The following ZNF804B variants were observed in gnomAD, a reference collection of about 807,000 sequenced individuals.
ZNF804B encodes zinc finger 804B.
In ZNF804B, 80 loss-of-function variants were observed where a neutral mutation model predicts 101.4. The observed-to-expected ratio is 0.79, with a 90% CI of 0.66 to 0.95. The LOEUF (loss-of-function observed/expected upper bound fraction) is 0.95, where lower values mean the gene tolerates loss of function less well. Ranked by LOEUF, ZNF804B falls within the 40% of genes least tolerant of loss-of-function variation. ZNF804B has a pLI of 0.00. For missense variants in ZNF804B, 1,673 were observed against 1,561.9 expected (o/e 1.07, Z -1.20); for synonymous variants, 622 against 558.8 (o/e 1.11, Z -1.59).
chr7:89,122,747 T>G (rs1790424974), intron 1 of ZNF804B, among the ~76,000 whole-genome samples: 1 of 152,178 alleles, frequency 6.6e-6, no homozygotes, highest in Non-Finnish European at 1.5e-5. Flanking sequence ...TTCTCCATCT[T>G]TTCTCTCTTT....
intron 1 of ZNF804B, among the ~76,000 whole-genome samples, chr7:88,940,438 A>G (rs1029694242): frequency 6.6e-6 from 1 of 152,016 alleles, no homozygotes; most frequent in Non-Finnish European, 1.5e-5. Context: ...TAAATAATAC[A>G]TACATAAGCT....
chr7:88,787,849 C>A (rs1249251031), intron 1 of ZNF804B, among the ~76,000 whole-genome samples: 1 of 152,010 alleles, frequency 6.6e-6, no homozygotes, highest in East Asian at 1.9e-4. Flanking sequence ...CATGACATAA[C>A]TGAGAAGAGA....
chr7:88,898,983 A>G (rs1255313330), intron 1 of ZNF804B, among the ~76,000 whole-genome samples: 1 of 152,056 alleles, frequency 6.6e-6, no homozygotes, highest in Non-Finnish European at 1.5e-5. Flanking sequence ...ATCAGAGCCA[A>G]CCCTTAAGTT....
intron 1 of ZNF804B, among the ~76,000 whole-genome samples, chr7:88,950,109 C>A (rs1183613755): frequency 6.6e-6 from 1 of 151,794 alleles, no homozygotes. Context: ...CTGATAGATA[C>A]CTTAGGATTT....
chr7:88,817,376 A>T (rs1327605918), intron 1 of ZNF804B, among the ~76,000 whole-genome samples: 1 of 152,162 alleles, frequency 6.6e-6, no homozygotes, highest in Non-Finnish European at 1.5e-5. Context: ...AACTTAAAGT[A>T]TAATAAAAAA....
At chr7:88,821,553 G>A (rs1169930420) in intron 1 of ZNF804B, among the ~76,000 whole-genome samples, 2 of 152,048 alleles carry the variant, frequency 1.3e-5, no homozygotes, top group Non-Finnish European at 1.5e-5. Flanking sequence ...AATATCCTTT[G>A]GCCACGTGCA....
At chr7:88,983,454 T>G (rs1793719276) in intron 1 of ZNF804B, among the ~76,000 whole-genome samples, 1 of 152,178 alleles carries the variant, frequency 6.6e-6, no homozygotes, top group Non-Finnish European at 1.5e-5. Context: ...GTGATGCTGA[T>G]GCTACTAGTT....
chr7:88,818,462 A>T (rs1790920409), intron 1 of ZNF804B, among the ~76,000 whole-genome samples: 1 of 152,166 alleles, frequency 6.6e-6, no homozygotes. Context: ...TACCGTTATG[A>T]TGCACATGAA....
At chr7:88,864,654 A>G (rs997290557) in intron 1 of ZNF804B, among the ~76,000 whole-genome samples, 1 of 152,170 alleles carries the variant, frequency 6.6e-6, no homozygotes, top group African/African-American at 2.4e-5. Context: ...CCCTGGGTCA[A>G]CTGGCCCCAC....
chr7:89,178,415 T>C (rs1026177105), intron 1 of ZNF804B, among the ~76,000 whole-genome samples: 1 of 152,078 alleles, frequency 6.6e-6, no homozygotes, highest in Non-Finnish European at 1.5e-5. Context: ...TTATTTTTTG[T>C]GTATCTGTTG....
chr7:88,850,524 C>T (rs967510424), intron 1 of ZNF804B, among the ~76,000 whole-genome samples: 2 of 152,072 alleles, frequency 1.3e-5, no homozygotes, highest in Admixed American at 6.6e-5. Context: ...AGTCCTATTT[C>T]CATCAATCAG....
chr7:89,225,319 C>T (rs2115723733), intron 2 of ZNF804B, among the ~76,000 whole-genome samples: 1 of 152,110 alleles, frequency 6.6e-6, no homozygotes, highest in African/African-American at 2.4e-5. Context: ...TCAGGGCTTT[C>T]TGTGTTTTGT....
chr7:88,880,498 A>G (rs1457347484), intron 1 of ZNF804B, among the ~76,000 whole-genome samples: 1 of 152,212 alleles, frequency 6.6e-6, no homozygotes, highest in Non-Finnish European at 1.5e-5. Flanking sequence ...ACTGATACAT[A>G]ACAATGTCTT....
chr7:89,281,058 C>A (rs886957653), intron 2 of ZNF804B, among the ~76,000 whole-genome samples: 10 of 152,142 alleles, frequency 6.6e-5, no homozygotes, highest in African/African-American at 2.2e-4. Flanking sequence ...AATTTAACAG[C>A]ATAATTGTAT....
At chr7:89,108,408 A>G (rs1232964885) in intron 1 of ZNF804B, among the ~76,000 whole-genome samples, 1 of 152,106 alleles carries the variant, frequency 6.6e-6, no homozygotes, top group Non-Finnish European at 1.5e-5. Context: ...ATGACTGGCC[A>G]TCTACATACA....
chr7:89,153,526 AT>A (rs1790910408), intron 1 of ZNF804B, among the ~76,000 whole-genome samples: 1 of 151,704 alleles, frequency 6.6e-6, no homozygotes, highest in Non-Finnish European at 1.5e-5. Flanking sequence ...AAGAGCAAAA[AT>A]GAATTTCCGA....
chr7:89,188,768 C>G (rs1025510989), intron 1 of ZNF804B, among the ~76,000 whole-genome samples: 6 of 152,218 alleles, frequency 3.9e-5, no homozygotes, highest in Admixed American at 3.3e-4. Flanking sequence ...TAATCCAGAG[C>G]AAGGCCTTAA....
At chr7:88,996,468 A>G (rs1054909811) in intron 1 of ZNF804B, among the ~76,000 whole-genome samples, 1 of 152,068 alleles carries the variant, frequency 6.6e-6, no homozygotes, top group Non-Finnish European at 1.5e-5. Flanking sequence ...CCTCTGACAC[A>G]TCTTAATGAA....
Position 89,335,428 on chromosome 7 carries a change from C to T in ZNF804B, c.2446C>T (p.Gln816Ter). ...ACAAAAACTGGGCAAAAATCAACAA[C>T]AATTTTCAGGGCTAAAATCTACGAG... The part of the protein sequence containing the change: ...ERQKLGKNQQ[Q>*]FSGLKSTRII... The change falls in exon 4 of 4, where the codon CAA (glutamine) becomes TAA (stop). Residue 816 changes from glutamine (Q) to a stop codon, truncating the protein, a stop_gained. Transcript: ENST00000333190. LOFTEE classifies it high-confidence loss of function. 1 of 1,613,840 alleles carries T rather than the reference C, an allele frequency of 6.2e-7. No homozygotes were observed. The highest frequency in any genetic ancestry group is 1.3e-5 in the African/African-American group (1 of 75,022).
Sources: gnomAD v4.1 joint callset for allele counts (sites outside exome capture counted in the v4.1 genomes callset) on GRCh38, gnomAD v4.1.1 for gene constraint, MANE v1.5 for transcripts, NCBI Gene and HGNC (gene_info 2026-07-23, HGNC 2026-07-21) for gene names.